The following RANBP9 variants were observed in gnomAD, a reference collection of about 807,000 sequenced individuals.
RANBP9 encodes the protein RAN binding protein 9.
A neutral mutation model predicts 84.3 loss-of-function variants in RANBP9; 15 were observed. That is an observed-to-expected ratio of 0.18 (90% CI 0.12 to 0.27). The LOEUF (loss-of-function observed/expected upper bound fraction) is 0.27, where lower values mean the gene tolerates loss of function less well. Among genes scored for constraint, RANBP9 ranks in the 10% least tolerant of loss-of-function variants. The pLI, the probability that RANBP9 is intolerant of heterozygous loss-of-function variation, is 1.00. For synonymous variants in RANBP9, 392 were observed against 349.6 expected, an observed-to-expected ratio of 1.12 and a Z score of -1.35; for missense variants, 809 against 912.8, an observed-to-expected ratio of 0.89 and a Z score of 1.46.
At position 13,710,969 on chromosome 6, in the gene RANBP9, G is replaced by A. The variant is rs188995248; in HGVS notation, c.537C>T (p.Gly179=). 4.3e-4 allele frequency: 693 copies of A among 1,610,062 alleles called. 7 individuals are homozygous for A. The East Asian group carries it at 7.1e-3, about 16-fold the overall frequency. The change falls in exon 1 of 14, where the codon GGC becomes GGT. Residue 179 remains glycine, a synonymous_variant. Coordinates refer to ENST00000011619, the MANE Select transcript of RANBP9 (RefSeq NM_005493.3). ...GCACCCGCAGGTTGTTCTGAGAGAG[G>A]CCGATGTAGCTGAACTTGTCCTTCG... ...WSPKDKFSYI[G]LSQNNLRVHY...
At chr6:13,665,998 G>A (rs1241203378) in intron 2 of RANBP9, among the ~76,000 whole-genome samples, 3 of 152,140 alleles carry the variant, frequency 2.0e-5, no homozygotes, top group Non-Finnish European at 4.4e-5. Flanking sequence ...GAGCATGAGG[G>A]AACATTTCTG....
At chr6:13,700,096 A>T (rs1353940193) in intron 1 of RANBP9, among the ~76,000 whole-genome samples, 2 of 152,242 alleles carry the variant, frequency 1.3e-5, no homozygotes, top group Non-Finnish European at 2.9e-5. Context: ...ATGTGGCTTT[A>T]GAAGAAAACA....
At chr6:13,690,984 T>C (rs763197822) in intron 2 of RANBP9, among the ~76,000 whole-genome samples, 1 of 152,024 alleles carries the variant, frequency 6.6e-6, no homozygotes, top group Non-Finnish European at 1.5e-5. Flanking sequence ...CTGGCCAACA[T>C]GGTGAAACCC....
At chr6:13,627,475 C>T (rs1315540679) in intron 12 of RANBP9, among the ~76,000 whole-genome samples, 3 of 151,478 alleles carry the variant, frequency 2.0e-5, no homozygotes, top group African/African-American at 7.3e-5. Flanking sequence ...ACTAAAAATA[C>T]AAAAATTAGT....
chr6:13,658,957 A>C, intron 2 of RANBP9, 125 bp from the exon 3 acceptor site: 1 of 825,690 alleles, frequency 1.2e-6, no homozygotes. Context: ...GTAGCAACAA[A>C]AATTTTATTA....
chr6:13,625,808 CTA>C, intron 12 of RANBP9, 44 bp from the exon 13 acceptor site: 1 of 1,330,478 alleles, frequency 7.5e-7, no homozygotes, highest in Non-Finnish European at 1.1e-6. Flanking sequence ...AATAGTTCAA[CTA>C]TTATGCTCAC....
At chr6:13,689,865 A>T (rs962109986) in intron 2 of RANBP9, among the ~76,000 whole-genome samples, 7 of 152,152 alleles carry the variant, frequency 4.6e-5, no homozygotes, top group Admixed American at 1.3e-4. Context: ...ATGTCTTAAG[A>T]GTTGCATATT....
Position 13,642,548 on chromosome 6 carries a change from C to A in RANBP9, c.1156G>T (p.Ala386Ser). 5 of 1,611,830 alleles carry A rather than the reference C, an allele frequency of 3.1e-6. No homozygotes were observed. Among genetic ancestry groups the A allele is most frequent in the African/African-American group, 1.3e-5 (1 of 74,940 alleles). ...YLVHHGYCAT[A>S]EAFARSTDQT... is the part of the protein sequence containing the mutation. ...TCTGTAGATCTGGCAAAGGCCTCTG[C>A]TGTGGCACAGTACCCATGGTGGACT... Residue 386 changes from alanine (A) to serine (S), a missense_variant, in exon 7 of 14, where the codon GCA becomes TCA. By Grantham distance (99) the Ala-to-Ser change is moderately conservative. This residue lies in a region of RANBP9 where 216 missense variants were observed against 329.0 expected (regional missense o/e 0.66). Coordinates refer to ENST00000011619, the MANE Select transcript of RANBP9 (RefSeq NM_005493.3).
intron 12 of RANBP9, among the ~76,000 whole-genome samples, chr6:13,626,769 C>T (rs538520608): frequency 2.6e-5 from 4 of 152,290 alleles, no homozygotes; most frequent in Admixed American, 2.0e-4. Context: ...AGAGCACCAT[C>T]TCCTAGGTTC....
chr6:13,671,869 A>T (rs1372270845), intron 2 of RANBP9, among the ~76,000 whole-genome samples: 1 of 152,130 alleles, frequency 6.6e-6, no homozygotes, highest in African/African-American at 2.4e-5. Flanking sequence ...TCCCATCCTC[A>T]CAAGAAAAAA....
At chr6:13,661,006 TC>T (rs1056870087) in intron 2 of RANBP9, among the ~76,000 whole-genome samples, 22 of 152,316 alleles carry the variant, frequency 1.4e-4, no homozygotes, top group Admixed American at 1.4e-3. Context: ...GGCTCAAAGT[TC>T]CCCCTCCTCT....
intron 2 of RANBP9, among the ~76,000 whole-genome samples, chr6:13,682,456 A>G (rs1766066522): frequency 6.8e-6 from 1 of 148,126 alleles, no homozygotes. Context: ...TTAATACATA[A>G]TTTTTTTTTT....
rs1758296436 is a variant in RANBP9, at chr6:13,711,766, G to T, written c.-261C>A. Among the ~76,000 whole-genome samples the T allele has an allele frequency of 6.8e-6, 1 of 147,278 alleles. No homozygotes were observed. On this transcript the variant is annotated 5_prime_UTR_variant, in exon 1 of 14. Transcript: ENST00000011619. ...CCCGGGGACGAGGCGCCGAGGGCGGGGGCGACGCGGGAGCGCGGGAGGGGA... is the reference window on the plus strand; with the variant it reads ...CCCGGGGACGAGGCGCCGAGGGCGGTGGCGACGCGGGAGCGCGGGAGGGGA...
intron 2 of RANBP9, among the ~76,000 whole-genome samples, chr6:13,683,925 C>T (rs1164097770): frequency 6.6e-6 from 1 of 151,962 alleles, no homozygotes; most frequent in Admixed American, 6.5e-5. Context: ...GTCACTTTTC[C>T]CATATTTCAT....
chr6:13,691,669 T>C (rs1001902249), intron 2 of RANBP9, among the ~76,000 whole-genome samples: 2 of 152,020 alleles, frequency 1.3e-5, no homozygotes, highest in Non-Finnish European at 2.9e-5. Context: ...TTTGTTTGTA[T>C]GTTTGTTTGT....
chr6:13,704,281 T>C (rs1758044382), intron 1 of RANBP9, among the ~76,000 whole-genome samples: 1 of 152,194 alleles, frequency 6.6e-6, no homozygotes, highest in South Asian at 2.1e-4. Flanking sequence ...AATCCTTTGA[T>C]GATTCTCCAT....
At chr6:13,667,801 G>C (rs1442664336) in intron 2 of RANBP9, among the ~76,000 whole-genome samples, 1 of 152,082 alleles carries the variant, frequency 6.6e-6, no homozygotes, top group Non-Finnish European at 1.5e-5. Flanking sequence ...TACATTCTAT[G>C]ATATTCCTAC....
In RANBP9 at chr6:13,639,829, A is replaced by T; in HGVS notation, c.1335-76T>A. On this transcript the variant is annotated intron_variant, in intron 8 of 13. Transcript: ENST00000011619. The stretch of plus-strand genomic sequence containing the variant: ...TATTTAATAGCAACAGATTTCTAAA[A>T]ATATTTTTAAAACTTTGATTTATCA... 3 of 1,251,068 alleles carry T rather than the reference A, an allele frequency of 2.4e-6. No homozygotes were observed. In the South Asian group the frequency reaches 4.4e-5, roughly 18 times the overall value. The allele number at this position is 1,251,068 out of a possible 1,614,324, so 77.5% of individuals were successfully genotyped here.
chr6:13,656,318 G>C (rs1765400292), intron 4 of RANBP9, among the ~76,000 whole-genome samples: 1 of 151,840 alleles, frequency 6.6e-6, no homozygotes, highest in Admixed American at 6.6e-5. Context: ...TTGAGTCAAA[G>C]ATTTTTCCAG....
Sources: allele counts gnomAD v4.1 joint callset (sites outside exome capture counted in the v4.1 genomes callset), GRCh38; gene constraint gnomAD v4.1.1; regional missense constraint gnomAD v4.1.1; transcripts MANE v1.5; gene names NCBI Gene and HGNC (gene_info 2026-07-23, HGNC 2026-07-21).